PUS10: variants seen among roughly 807,000 people sequenced by gnomAD.
The protein encoded by PUS10 is tRNA pseudouridine synthase Pus10.
In PUS10, 59 loss-of-function variants were observed where a neutral mutation model predicts 75.0. The ratio of observed to expected loss-of-function variants is 0.79; its 90% confidence interval spans 0.64 to 0.98. The LOEUF (loss-of-function observed/expected upper bound fraction) is 0.98. Among genes scored for constraint, PUS10 ranks in the 50% least tolerant of loss-of-function variants. PUS10 has a pLI of 0.00. For synonymous variants in PUS10, 219 were observed against 211.6 expected, an observed-to-expected ratio of 1.03 and a Z score of -0.30; for missense variants, 650 against 614.4, an observed-to-expected ratio of 1.06 and a Z score of -0.61.
chr2:60,999,221 A>T (rs995316817), intron 4 of PUS10, among the ~76,000 whole-genome samples: 5 of 152,216 alleles, frequency 3.3e-5, no homozygotes, highest in Non-Finnish European at 5.9e-5. Flanking sequence ...TTTTCCCATA[A>T]ATACAAATTT....
chr2:60,995,046 C>A (rs919188186), intron 4 of PUS10, among the ~76,000 whole-genome samples: 1 of 152,134 alleles, frequency 6.6e-6, no homozygotes, highest in African/African-American at 2.4e-5. Context: ...GCCAAGATCA[C>A]ACCACTGCAC....
At position 60,989,704 on chromosome 2, in the gene PUS10, C is replaced by T. The variant is rs141280382; in HGVS notation, c.468+16853G>A. On this transcript the variant is annotated intron_variant, in intron 4 of 17. Transcript: ENST00000316752. ...TGCAATCTCAGCTCACTGCAACCTC[C>T]TCCTCCTGAGCTCAAGCTATTCTCC... 2.4e-3 allele frequency among the ~76,000 whole-genome samples: 365 copies of T among 152,204 alleles called. 3 individuals are homozygous for T. The highest frequency in any genetic ancestry group is 8.4e-3 in the African/African-American group (350 of 41,524).
Position 60,953,942 on chromosome 2 carries a change from A to G in PUS10, c.1181T>C (p.Leu394Pro). The G allele has an allele frequency of 6.2e-7, 1 of 1,613,994 alleles. No individual in the cohort carries two copies. The highest frequency in any genetic ancestry group is 1.3e-5 in the African/African-American group (1 of 75,054). ...ATGAGCCTACTCTTACCTTGTGACA[A>G]GCTGCAAGTCACGTACTTGGATTTT... ...SNKIQVRDLQ[L>P]VTREAIGHMK... Residue 394 changes from leucine to proline, a missense_variant, in exon 14 of 18, where the codon CTT becomes CCT. Physicochemically the swap from Leu to Pro is moderately conservative, Grantham distance 98. Transcript: ENST00000316752.
chr2:60,964,393 T>C lies in PUS10; in HGVS notation c.723+665A>G, dbSNP rs10201554. On this transcript the variant is annotated intron_variant, in intron 8 of 17. Coordinates refer to ENST00000316752, the MANE Select transcript of PUS10 (RefSeq NM_144709.4). ...ATGTCAGTAAAACTGTAGGAATGCC[T>C]AAGTCTACGTACCAAACCACCTACG... 7.3e-3 allele frequency among the ~76,000 whole-genome samples: 1,107 copies of C among 152,328 alleles called. 12 individuals are homozygous for C. The highest frequency in any genetic ancestry group is 0.025 in the African/African-American group (1,047 of 41,566).
intron 8 of PUS10, among the ~76,000 whole-genome samples, chr2:60,964,838 A>G (rs773043504): frequency 6.6e-6 from 1 of 152,216 alleles, no homozygotes; most frequent in Non-Finnish European, 1.5e-5. Flanking sequence ...TAGACACTAC[A>G]CAAACATGAG....
chr2:61,007,756 C>G (rs1573517793), intron 3 of PUS10, among the ~76,000 whole-genome samples: 1 of 133,424 alleles, frequency 7.5e-6, no homozygotes, highest in Non-Finnish European at 1.6e-5. Flanking sequence ...GTGACAAGAG[C>G]CAAACTCTGT....
intron 4 of PUS10, among the ~76,000 whole-genome samples, chr2:60,993,728 T>A (rs1573483763): frequency 6.6e-6 from 1 of 152,132 alleles, no homozygotes; most frequent in Admixed American, 6.5e-5. Flanking sequence ...AAAATAACTT[T>A]CAATATTTGG....
rs1558876548 is a variant in PUS10 at position 60,954,129 on chromosome 2, G to T, written c.1087C>A (p.Pro363Thr). 1.2e-6 allele frequency: 2 copies of T among 1,614,044 alleles called. No homozygotes were observed. Among genetic ancestry groups the T allele is most frequent in the Non-Finnish European group, 1.7e-6 (2 of 1,180,020 alleles). ...TGTGAAGTGAAATGTACTCTATGAG[G>T]ATTCACCAGCTCAATTGCAAAGGGC... is the stretch of plus-strand genomic sequence containing the variant. ...GRPFAIELVN[P>T]HRVHFTSQEI... is the part of the protein sequence containing the mutation. The change falls in exon 13 of 18, where the codon CCT becomes ACT. Residue 363 changes from proline to threonine, a missense_variant. Physicochemically the swap from Pro to Thr is conservative, Grantham distance 38. Transcript: ENST00000316752.
At chr2:61,017,745 G>A (rs749814678) in intron 1 of PUS10, 28 of 1,547,598 alleles carry the variant, frequency 1.8e-5, no homozygotes, top group South Asian at 3.6e-5. Flanking sequence ...CGGGAGCCGA[G>A]AGGAGGCGGA....
At chr2:60,946,364 TA>T (rs1302109222) in intron 16 of PUS10, among the ~76,000 whole-genome samples, 2 of 152,224 alleles carry the variant, frequency 1.3e-5, no homozygotes, top group African/African-American at 4.8e-5. Context: ...ATGTGGCATC[TA>T]AAGCTTTAAC....
chr2:60,944,229 C>T (rs760586094), intron 17 of PUS10: 111 of 984,838 alleles, frequency 1.1e-4, no homozygotes, highest in Non-Finnish European at 1.3e-4. Flanking sequence ...CTTGAGGGCA[C>T]GATCACTGGC....
chr2:60,957,457 C>G (rs558903155), intron 11 of PUS10, among the ~76,000 whole-genome samples: 1 of 152,190 alleles, frequency 6.6e-6, no homozygotes, highest in South Asian at 2.1e-4. Flanking sequence ...GTGCCCAGAG[C>G]AACACTGGGT....
In PUS10 at chr2:60,950,556, T is replaced by A. The variant is rs150067068; in HGVS notation, c.1309-2371A>T. Among the ~76,000 whole-genome samples the A allele has an allele frequency of 1.3e-3, 196 of 152,240 alleles. 1 individual carries two copies. The highest frequency in any genetic ancestry group is 3.7e-3 in the Admixed American group (56 of 15,294). On this transcript the variant is annotated intron_variant, in intron 15 of 17. Transcript: ENST00000316752. The stretch of plus-strand genomic sequence containing the variant: ...CCTCATCTTCCCAAGTAGCTGGGAC[T>A]ACAGGCATGCGCCACCACACCTGGC...
chr2:60,975,392 G>A (rs796598974), intron 4 of PUS10, among the ~76,000 whole-genome samples: 2 of 152,034 alleles, frequency 1.3e-5, no homozygotes, highest in Non-Finnish European at 2.9e-5. Flanking sequence ...TGATCCGCCC[G>A]CCTTGGCCTC....
chr2:60,958,542 C>T (rs1675818102), intron 11 of PUS10, among the ~76,000 whole-genome samples: 1 of 152,168 alleles, frequency 6.6e-6, no homozygotes. Context: ...GCATGCTTAT[C>T]TTAAGGTCTT....
chr2:61,005,508 C>T (rs912883258), intron 4 of PUS10, among the ~76,000 whole-genome samples: 2 of 152,052 alleles, frequency 1.3e-5, no homozygotes, highest in African/African-American at 4.8e-5. Flanking sequence ...AGAAAATATA[C>T]TTCTTATTCC....
chr2:60,991,750 T>C (rs1313005060), intron 4 of PUS10, among the ~76,000 whole-genome samples: 1 of 152,114 alleles, frequency 6.6e-6, no homozygotes, highest in African/African-American at 2.4e-5. Context: ...AACAGAAAAA[T>C]AATCCAAAAG....
At chr2:60,951,084 T>TG (rs1376293827) in intron 15 of PUS10, among the ~76,000 whole-genome samples, 11 of 152,354 alleles carry the variant, frequency 7.2e-5, no homozygotes, top group African/African-American at 1.9e-4. Flanking sequence ...TGCAGCTAAC[T>TG]GGTTCATATC....
At chr2:60,958,118 G>A (rs374478316) in intron 11 of PUS10, among the ~76,000 whole-genome samples, 2 of 152,112 alleles carry the variant, frequency 1.3e-5, no homozygotes, top group African/African-American at 2.4e-5. Flanking sequence ...CCACTCATCC[G>A]CCCACTCCTC....
Sources: gnomAD v4.1 joint callset for allele counts (sites outside exome capture counted in the v4.1 genomes callset) on GRCh38, gnomAD v4.1.1 for gene constraint, MANE v1.5 for transcripts, NCBI Gene and HGNC (gene_info 2026-07-23, HGNC 2026-07-21) for gene names.